EMID1: variants seen among roughly 807,000 people sequenced by gnomAD.
EMID1 encodes the protein EMI domain containing 1.
Under a neutral mutation model 60.6 loss-of-function variants are expected in EMID1, and 40 were observed. The ratio of observed to expected loss-of-function variants is 0.66; its 90% CI spans 0.51 to 0.86. The LOEUF (loss-of-function observed/expected upper bound fraction) is 0.86, where lower values mean the gene tolerates loss of function less well. Among genes scored for constraint, EMID1 ranks in the 40% least tolerant of loss-of-function variants. The probability of loss-of-function intolerance (pLI) is 0.00; values close to 1 mark genes in which losing one functional copy is unlikely to be tolerated. For missense variants in EMID1, 585 were observed against 597.1 expected, an observed-to-expected ratio of 0.98 and a Z score of 0.21; for synonymous variants, 242 against 231.0, an observed-to-expected ratio of 1.05 and a Z score of -0.43.
At chr22:29,253,426 T>C (rs1250726546) in intron 13 of EMID1, among the ~76,000 whole-genome samples, 1 of 152,170 alleles carries the variant, frequency 6.6e-6, no homozygotes, top group Non-Finnish European at 1.5e-5. Flanking sequence ...CTACTAAAAA[T>C]ACAAAGTTAG....
intron 14 of EMID1, 67 bp from the exon 15 acceptor site, chr22:29,258,750 C>A: frequency 6.3e-7 from 1 of 1,587,804 alleles, no homozygotes; most frequent in East Asian, 2.3e-5. Context: ...CCCTAGAGGG[C>A]CAAGGGGAGG....
chr22:29,222,896 C>G (rs1036611122), intron 3 of EMID1, among the ~76,000 whole-genome samples: 1 of 152,056 alleles, frequency 6.6e-6, no homozygotes, highest in Admixed American at 6.5e-5. Flanking sequence ...TGGAGACCAT[C>G]CTGGCTAATA....
chr22:29,254,731 CAG>C, intron 14 of EMID1: 1 of 186,928 alleles, frequency 5.3e-6, no homozygotes, highest in East Asian at 1.4e-4. Flanking sequence ...GTAATGGATC[CAG>C]ACTCTAGTCA....
chr22:29,253,672 AT>A (rs2041602572), intron 13 of EMID1, among the ~76,000 whole-genome samples: 1 of 152,348 alleles, frequency 6.6e-6, no homozygotes. Context: ...GAACATCTAT[AT>A]ATTCATTTGG....
At chr22:29,221,594 T>G in intron 3 of EMID1, among the ~76,000 whole-genome samples, 1 of 152,140 alleles carries the variant, frequency 6.6e-6, no homozygotes, top group East Asian at 1.9e-4. Flanking sequence ...CAGGATGGTC[T>G]CGATCTCCTG....
chr22:29,237,762 C>T (rs1262792163), intron 12 of EMID1, among the ~76,000 whole-genome samples: 4 of 142,546 alleles, frequency 2.8e-5, no homozygotes, highest in Non-Finnish European at 6.0e-5. Context: ...GATCGCGCCA[C>T]TGCACTGCAG....
chr22:29,234,459 C>T, intron 12 of EMID1, 110 bp downstream of exon 12: 1 of 1,279,728 alleles, frequency 7.8e-7, no homozygotes, highest in Non-Finnish European at 1.1e-6. Context: ...CCTGTCTTGT[C>T]ATTTATTTTC....
Position 29,233,691 on chromosome 22 carries a change from A to G in EMID1, c.966+25A>G. 2 of 1,608,862 alleles carry G rather than the reference A, an allele frequency of 1.2e-6. 1 individual carries two copies. The highest frequency in any genetic ancestry group is 2.2e-5 in the South Asian group (2 of 90,762). On this transcript the variant is annotated intron_variant, in intron 10 of 14. Transcript: ENST00000334018. ...AGTGAGTAGTTCTCCTTGTACTCTC[A>G]CCCATGTGTCTGTCCATCTTTCCAT...
Position 29,223,160 on chromosome 22 carries a change from A to G in EMID1, c.320-1973A>G, listed in dbSNP as rs568726351. Among the ~76,000 whole-genome samples, 7 of 152,392 alleles carry G rather than the reference A, an allele frequency of 4.6e-5. 1 individual carries two copies. Among genetic ancestry groups the G allele is most frequent in the African/African-American group, 1.7e-4 (7 of 41,598 alleles). On this transcript the variant is annotated intron_variant, in intron 3 of 14. Coordinates refer to ENST00000334018, the MANE Select transcript of EMID1 (RefSeq NM_133455.4). ...GGGTGCTGGGCACTTTTGTAGGCCA[A>G]GCACAAAACAGACAAGGTCCCTGCC...
intron 3 of EMID1, 138 bp downstream of exon 3, chr22:29,215,768 C>G: frequency 1.5e-6 from 1 of 689,146 alleles, no homozygotes; most frequent in Non-Finnish European, 2.5e-6. Flanking sequence ...GAGCCTGGCT[C>G]AGACACAGTC....
intron 14 of EMID1, among the ~76,000 whole-genome samples, chr22:29,256,469 A>G (rs1172494879): frequency 6.6e-6 from 1 of 151,514 alleles, no homozygotes. Flanking sequence ...ATCTCAAAAA[A>G]AAAAAAAAAA....
At chr22:29,233,840 TC>T in intron 10 of EMID1, 174 bp downstream of exon 10, 1 of 710,158 alleles carries the variant, frequency 1.4e-6, no homozygotes, top group Admixed American at 2.9e-5. Context: ...CAAACTACCT[TC>T]CATAAATCTT....
intron 1 of EMID1, among the ~76,000 whole-genome samples, chr22:29,207,863 G>A (rs1449014170): frequency 6.6e-6 from 1 of 152,158 alleles, no homozygotes; most frequent in Non-Finnish European, 1.5e-5. Flanking sequence ...GAGGGAAAGA[G>A]GTTGTCGGCT....
rs529095693 is a variant in EMID1, at chr22:29,231,450, C to G, written c.587-143C>G. 3.0e-3 allele frequency: 2,733 copies of G among 922,120 alleles called. 52 individuals are homozygous for G. In the African/African-American group the frequency reaches 0.038, roughly 13 times the overall value. The allele number at this position is 922,120 out of a possible 1,614,324, so 57.1% of individuals were successfully genotyped here. A position where few individuals can be genotyped will look rare whatever the true frequency, so the allele number is the denominator to read the frequency against. ...GACACTGACCTCTGCCTACCCCCCC[C>G]ACCCCAGGGCTGCCAGGAGCCATAG... On this transcript the variant is annotated intron_variant, in intron 6 of 14. Transcript: ENST00000334018.
In EMID1 at chr22:29,259,119, C is replaced by A; in HGVS notation, c.*175C>A. ...CCTGGCACCATGCACATGTCTGAGG[C>A]TGAGCAAGGGCTGAGAGGAGAGGCT... On this transcript the variant is annotated 3_prime_UTR_variant, in exon 15 of 15. Coordinates refer to ENST00000334018, the MANE Select transcript of EMID1 (RefSeq NM_133455.4). The A allele has an allele frequency of 9.9e-7, 1 of 1,014,982 alleles. No individual in the cohort carries two copies. The highest frequency in any genetic ancestry group is 1.4e-6 in the Non-Finnish European group (1 of 721,060). 62.9% of individuals were successfully genotyped at this position (1,014,982 alleles called of 1,614,324 possible).
intron 3 of EMID1, chr22:29,216,384 T>A: frequency 1.0e-6 from 1 of 985,422 alleles, no homozygotes; most frequent in African/African-American, 1.7e-5. Flanking sequence ...GCTGAACCCA[T>A]GAGCAGCAGA....
chr22:29,252,908 C>G (rs770072972), intron 13 of EMID1, among the ~76,000 whole-genome samples: 1 of 152,186 alleles, frequency 6.6e-6, no homozygotes, highest in Non-Finnish European at 1.5e-5. Flanking sequence ...AGCGTGAAGA[C>G]CTGGGGAAGG....
intron 10 of EMID1, 22 bp downstream of exon 10, chr22:29,233,688 C>G (rs777033572): frequency 3.1e-6 from 5 of 1,610,388 alleles, no homozygotes; most frequent in Non-Finnish European, 4.2e-6. Flanking sequence ...TCCTTGTACT[C>G]TCACCCATGT....
intron 3 of EMID1, among the ~76,000 whole-genome samples, chr22:29,221,531 C>T (rs2040300417): frequency 6.6e-6 from 1 of 152,138 alleles, no homozygotes; most frequent in Non-Finnish European, 1.5e-5. Context: ...TCTGCCACCA[C>T]ACCTGGCTAA....
Sources: gnomAD v4.1 joint callset for allele counts (sites outside exome capture counted in the v4.1 genomes callset) on GRCh38, gnomAD v4.1.1 for gene constraint, MANE v1.5 for transcripts, NCBI Gene and HGNC (gene_info 2026-07-23, HGNC 2026-07-21) for gene names.